PPP1R9A: variants seen among roughly 807,000 people sequenced by gnomAD.
The protein encoded by PPP1R9A is neurabin-1.
In PPP1R9A, 59 loss-of-function variants were observed where a neutral mutation model predicts 141.9. The observed-to-expected ratio is 0.42, with a 90% confidence interval of 0.34 to 0.52. The LOEUF (loss-of-function observed/expected upper bound fraction) is 0.52. Ranked by LOEUF, PPP1R9A falls within the 20% of genes least tolerant of loss-of-function variation. The probability of loss-of-function intolerance (pLI) is 0.10; values close to 1 mark genes in which losing one functional copy is unlikely to be tolerated. For synonymous variants in PPP1R9A, 500 were observed against 569.7 expected, an observed-to-expected ratio of 0.88 and a Z score of 1.74; for missense variants, 1,444 against 1,611.9, an observed-to-expected ratio of 0.90 and a Z score of 1.78.
At chr7:95,023,560 TTTTG>T (rs1806326691) in intron 2 of PPP1R9A, among the ~76,000 whole-genome samples, 1 of 152,024 alleles carries the variant, frequency 6.6e-6, no homozygotes, top group East Asian at 1.9e-4. Context: ...TAGTTCTTTT[TTTTG>T]TTTGTTTGAG....
At chr7:94,923,785 A>G (rs1793131331) in intron 2 of PPP1R9A, among the ~76,000 whole-genome samples, 1 of 152,164 alleles carries the variant, frequency 6.6e-6, no homozygotes. Flanking sequence ...TGACAAACAT[A>G]TTTTTGTTGG....
intron 4 of PPP1R9A, among the ~76,000 whole-genome samples, chr7:95,130,945 G>C (rs1356240533): frequency 6.6e-6 from 1 of 152,118 alleles, no homozygotes; most frequent in Non-Finnish European, 1.5e-5. Flanking sequence ...TAGGCAGAAG[G>C]GACTTGCCTT....
At chr7:94,966,005 G>A (rs1798171405) in intron 2 of PPP1R9A, among the ~76,000 whole-genome samples, 1 of 152,062 alleles carries the variant, frequency 6.6e-6, no homozygotes, top group Non-Finnish European at 1.5e-5. Context: ...TTGAGCAGTG[G>A]TTTGTAGTTC....
chr7:95,249,120 C>A (rs1195669879), intron 9 of PPP1R9A, among the ~76,000 whole-genome samples: 3 of 152,202 alleles, frequency 2.0e-5, no homozygotes, highest in South Asian at 2.1e-4. Flanking sequence ...GACTAGTTTA[C>A]TATCTATTCC....
chr7:95,203,627 G>T (rs1356415064), intron 6 of PPP1R9A, 38 bp from the exon 7 acceptor site: 2 of 1,490,646 alleles, frequency 1.3e-6, no homozygotes, highest in African/African-American at 1.4e-5. Context: ...TGCGGTGGGG[G>T]TTAAGCCTTC....
chr7:95,190,760 T>A (rs1182940654), intron 5 of PPP1R9A, among the ~76,000 whole-genome samples: 1 of 152,210 alleles, frequency 6.6e-6, no homozygotes, highest in Non-Finnish European at 1.5e-5. Context: ...ATTCTTTTAG[T>A]TTTCCTGGTA....
At chr7:95,049,460 C>T (rs1810491483) in intron 2 of PPP1R9A, among the ~76,000 whole-genome samples, 1 of 152,146 alleles carries the variant, frequency 6.6e-6, no homozygotes, top group Admixed American at 6.5e-5. Context: ...CTGGCTCCTT[C>T]CCAGCCTCTC....
At chr7:94,924,697 T>G (rs1793249526) in intron 2 of PPP1R9A, among the ~76,000 whole-genome samples, 1 of 152,062 alleles carries the variant, frequency 6.6e-6, no homozygotes, top group African/African-American at 2.4e-5. Flanking sequence ...CCTGGCTTAA[T>G]TTTTCTTTTT....
chr7:95,034,289 C>CT (rs1808128480), intron 2 of PPP1R9A, among the ~76,000 whole-genome samples: 1 of 151,832 alleles, frequency 6.6e-6, no homozygotes, highest in South Asian at 2.1e-4. Context: ...TTAGTTATAT[C>CT]TATATAATAT....
intron 7 of PPP1R9A, among the ~76,000 whole-genome samples, chr7:95,208,388 G>A (rs1429056035): frequency 6.6e-5 from 10 of 152,104 alleles, no homozygotes; most frequent in African/African-American, 2.2e-4. Context: ...ATAAAATTTG[G>A]AAGATAGCAT....
At chr7:94,974,275 G>T (rs958221372) in intron 2 of PPP1R9A, among the ~76,000 whole-genome samples, 2 of 152,194 alleles carry the variant, frequency 1.3e-5, no homozygotes, top group East Asian at 1.9e-4. Flanking sequence ...AGGCAGTCTC[G>T]GCATTTCTGA....
intron 12 of PPP1R9A, among the ~76,000 whole-genome samples, chr7:95,254,000 A>G: frequency 6.6e-6 from 1 of 152,064 alleles, no homozygotes; most frequent in South Asian, 2.1e-4. Flanking sequence ...TTATATGACT[A>G]CAGAAGATCA....
intron 2 of PPP1R9A, among the ~76,000 whole-genome samples, chr7:94,946,303 A>G (rs995887277): frequency 5.3e-5 from 8 of 152,276 alleles, no homozygotes; most frequent in Admixed American, 5.2e-4. Flanking sequence ...AGTTTGTAGA[A>G]GAACATAGTA....
At chr7:95,046,101 CAG>C (rs1216119137) in intron 2 of PPP1R9A, among the ~76,000 whole-genome samples, 2 of 138,124 alleles carry the variant, frequency 1.4e-5, no homozygotes, top group African/African-American at 5.5e-5. Context: ...TTTTTTGAGA[CAG>C]AGTCTCGCTC....
At chr7:94,955,956 G>T (rs1797027580) in intron 2 of PPP1R9A, among the ~76,000 whole-genome samples, 1 of 152,024 alleles carries the variant, frequency 6.6e-6, no homozygotes, top group Non-Finnish European at 1.5e-5. Flanking sequence ...CTGGGATCTC[G>T]CTATCTGCTG....
At chr7:95,094,667 G>T (rs901989341) in intron 2 of PPP1R9A, among the ~76,000 whole-genome samples, 5 of 151,980 alleles carry the variant, frequency 3.3e-5, no homozygotes, top group African/African-American at 4.8e-5. Flanking sequence ...ATCATTTGAG[G>T]TCAGGAGTTT....
At chr7:95,132,659 C>G (rs1278660437) in intron 4 of PPP1R9A, among the ~76,000 whole-genome samples, 1 of 152,078 alleles carries the variant, frequency 6.6e-6, no homozygotes, top group East Asian at 1.9e-4. Context: ...GCCGATGTCT[C>G]TTTGCTCAGG....
chr7:95,246,826 C>A lies in PPP1R9A; in HGVS notation c.2113-647C>A, dbSNP rs899706214. Among the ~76,000 whole-genome samples, 6 of 152,294 alleles carry A rather than the reference C, an allele frequency of 3.9e-5. No homozygotes were observed. The East Asian group carries it at 9.7e-4, about 25-fold the overall frequency. ...CAAGCAAAACAAATGTAAACTGTGA[C>A]TCTTATTGCTAATAAGCTGTGGCAG... is the stretch of plus-strand genomic sequence containing the variant. On this transcript the variant is annotated intron_variant, in intron 8 of 19. Coordinates refer to ENST00000433360, the MANE Select transcript of PPP1R9A (RefSeq NM_001166160.2).
chr7:95,177,648 A>T (rs1833095204), intron 5 of PPP1R9A, among the ~76,000 whole-genome samples: 1 of 152,106 alleles, frequency 6.6e-6, no homozygotes, highest in African/African-American at 2.4e-5. Context: ...CTCACCTAAC[A>T]CATAAAGACT....
Sources: gnomAD v4.1 joint callset for allele counts (sites outside exome capture counted in the v4.1 genomes callset) on GRCh38, gnomAD v4.1.1 for gene constraint, MANE v1.5 for transcripts, NCBI Gene and HGNC (gene_info 2026-07-23, HGNC 2026-07-21) for gene names.